FBXO9: variants seen among roughly 807,000 people sequenced by gnomAD.
FBXO9 encodes the protein F-box protein 9, also known as F-box only protein 9.
In FBXO9, 43 loss-of-function variants were observed where a neutral mutation model predicts 63.7. The ratio of observed to expected loss-of-function variants is 0.67; its 90% CI spans 0.53 to 0.87. FBXO9 has a LOEUF of 0.87. FBXO9 is among the 40% of genes least tolerant of loss of function. The pLI is 0.00. For synonymous variants in FBXO9, 156 were observed against 171.7 expected, an observed-to-expected ratio of 0.91 and a Z score of 0.72; for missense variants, 442 against 533.2, an observed-to-expected ratio of 0.83 and a Z score of 1.68.
chr6:53,076,433 C>A, intron 3 of FBXO9, 53 bp from the exon 4 acceptor site: 1 of 1,107,096 alleles, frequency 9.0e-7, no homozygotes, highest in Non-Finnish European at 1.3e-6. Flanking sequence ...TTCTGCCATC[C>A]ATACTAATTT....
Position 53,096,224 on chromosome 6 carries a change from A to AG in FBXO9, c.1205+564dup, listed in dbSNP as rs545153047. Among the ~76,000 whole-genome samples the AG allele has an allele frequency of 5.3e-3, 810 of 152,334 alleles. 6 individuals are homozygous for AG. The highest frequency in any genetic ancestry group is 6.8e-3 in the Middle Eastern group (2 of 294). On this transcript the variant is annotated intron_variant, in intron 12 of 12. Transcript: ENST00000323557. ...GTACATCATAATCAGTGAACTGAAG[A>AG]GGGGAGGTATGAGAAAGGAGCCATA...
intron 7 of FBXO9, among the ~76,000 whole-genome samples, chr6:53,087,067 T>G (rs1370609186): frequency 6.6e-6 from 1 of 151,826 alleles, no homozygotes; most frequent in African/African-American, 2.4e-5. Flanking sequence ...CAAACACAGG[T>G]GCAGTGCCTC....
intron 11 of FBXO9, chr6:53,094,675 T>C (rs1277252706): frequency 3.1e-6 from 1 of 322,300 alleles, no homozygotes; most frequent in Non-Finnish European, 6.3e-6. Context: ...CCCCCTTCTC[T>C]AACATCATAT....
rs55671320 is a variant in FBXO9, at chr6:53,068,654, G to GTTT, written c.4-2389_4-2387dup. ...TCTTACGGAATATATATATATATGT[G>GTTT]TTTTTTTTTTTTTTTTGAGACAGGG... On this transcript the variant is annotated intron_variant, in intron 1 of 12. Coordinates refer to ENST00000323557, the MANE Select transcript of FBXO9 (RefSeq NM_033480.3). 1.2e-3 allele frequency among the ~76,000 whole-genome samples: 153 copies of GTTT among 132,164 alleles called. 5 individuals are homozygous for GTTT. The highest frequency in any genetic ancestry group is 6.6e-3 in the East Asian group (30 of 4,568). 86.7% of individuals were successfully genotyped at this position (132,164 alleles called of 152,430 possible).
At chr6:53,095,138 C>G (rs1763171120) in intron 11 of FBXO9, among the ~76,000 whole-genome samples, 1 of 152,136 alleles carries the variant, frequency 6.6e-6, no homozygotes, top group Admixed American at 6.5e-5. Flanking sequence ...CAAGTGTTTT[C>G]CAGTAGAAGG....
chr6:53,083,035 G>A (rs1322410223), intron 7 of FBXO9, among the ~76,000 whole-genome samples: 39 of 152,132 alleles, frequency 2.6e-4, no homozygotes, highest in Admixed American at 2.6e-3. Context: ...ATTTTGCTAT[G>A]TGTGGGAAAG....
Position 53,076,470 on chromosome 6 carries a change from C to A in FBXO9, c.250-16C>A. 6.6e-7 allele frequency: 1 copy of A among 1,513,108 alleles called. No individual in the cohort carries two copies. The highest frequency in any genetic ancestry group is 2.5e-5 in the Admixed American group (1 of 40,438). The allele number at this position is 1,513,108 out of a possible 1,614,324, so 93.7% of individuals were successfully genotyped here. A position where few individuals can be genotyped will look rare whatever the true frequency, so the allele number is the denominator to read the frequency against. On this transcript the variant is annotated splice_polypyrimidine_tract_variant and intron_variant, in intron 3 of 12. Transcript: ENST00000323557. ...TAATGCAGGTTTTCAAAAATTTTTA[C>A]TTTATATTTTTATAGGCTCGAGAAC...
intron 12 of FBXO9, 131 bp downstream of exon 12, chr6:53,095,795 C>A (rs1562076239): frequency 2.5e-6 from 2 of 788,632 alleles, no homozygotes; most frequent in Non-Finnish European, 3.7e-6. Flanking sequence ...AGTACTACTA[C>A]AAACTACTAC....
At position 53,092,736 on chromosome 6, in the gene FBXO9, G is replaced by A. The variant is rs758378594; in HGVS notation, c.775G>A (p.Val259Met). 1.2e-5 allele frequency: 20 copies of A among 1,603,448 alleles called. No individual in the cohort carries two copies. The highest frequency in any genetic ancestry group is 3.4e-5 in the Admixed American group (2 of 59,432). Residue 259 changes from valine (V) to methionine (M), a missense_variant and splice_region_variant, in exon 9 of 13, where the codon GTG becomes ATG. Val to Met is a conservative substitution (Grantham distance 21). This residue lies in a region of FBXO9 where 262 missense variants were observed against 362.1 expected (regional missense o/e 0.72). Coordinates refer to ENST00000323557, the MANE Select transcript of FBXO9 (RefSeq NM_033480.3). ...LERPRVRFDG[V>M]YISKTTYIRQ... is the part of the protein sequence containing the mutation. The stretch of plus-strand genomic sequence containing the variant: ...ACTTTTTAAAATTATTTTCATAGGC[G>A]TGTATATCAGTAAAACCACATATAT...
At chr6:53,071,723 A>T (rs1325144090) in intron 2 of FBXO9, among the ~76,000 whole-genome samples, 1 of 152,254 alleles carries the variant, frequency 6.6e-6, no homozygotes, top group Non-Finnish European at 1.5e-5. Flanking sequence ...GTACATGAAA[A>T]TGTAAATTGG....
rs543094199 is a variant in FBXO9, at chr6:53,071,012, T to C, written c.4-45T>C. ...AGAAATGTAGATTGCAGAGGGCAAC[T>C]GGTGTGTTTATATGCCTGACATTAT... is the stretch of plus-strand genomic sequence containing the variant. On this transcript the variant is annotated intron_variant, in intron 1 of 12. Coordinates refer to ENST00000323557, the MANE Select transcript of FBXO9 (RefSeq NM_033480.3). 5 of 1,553,372 alleles carry C rather than the reference T, an allele frequency of 3.2e-6. No homozygotes were observed. In the South Asian group the frequency reaches 4.8e-5, roughly 15 times the overall value.
At chr6:53,069,248 C>CA (rs899722300) in intron 1 of FBXO9, among the ~76,000 whole-genome samples, 4 of 151,872 alleles carry the variant, frequency 2.6e-5, no homozygotes, top group African/African-American at 9.7e-5. Flanking sequence ...TCTACAGTAT[C>CA]AAAAAAAATT....
rs551862157 is a variant in FBXO9, at chr6:53,093,705, T to A, written c.959+144T>A. ...CAGGGTCTTAGGAAAAATACCAATT[T>A]CTGGGCTTTTCCTTAGAAAATCTAC... On this transcript the variant is annotated intron_variant, in intron 10 of 12. Transcript: ENST00000323557. The A allele has an allele frequency of 5.8e-6, 5 of 858,834 alleles. No homozygotes were observed. In the South Asian group the frequency reaches 9.3e-5, roughly 16 times the overall value. 53.2% of individuals were successfully genotyped at this position (858,834 alleles called of 1,614,324 possible).
rs1763255808 is a variant in FBXO9 at position 53,097,905 on chromosome 6, TG to T, written c.*76del. On this transcript the variant is annotated 3_prime_UTR_variant, in exon 13 of 13. Transcript: ENST00000323557. ...CGCAAAAGAGCACCTAAGTTATAAA[TG>T]TGTGTGTGTGCGTGTGTGTGTATAT... is the stretch of plus-strand genomic sequence containing the variant. 1 of 160,874 alleles carries T rather than the reference TG, an allele frequency of 6.2e-6. No individual in the cohort carries two copies. The highest frequency in any genetic ancestry group is 1.1e-4 in the Admixed American group (1 of 9,262). 10.0% of individuals were successfully genotyped at this position (160,874 alleles called of 1,614,324 possible).
chr6:53,092,566 A>T lies in FBXO9; in HGVS notation c.772+19A>T. On this transcript the variant is annotated intron_variant, in intron 8 of 12. Coordinates refer to ENST00000323557, the MANE Select transcript of FBXO9 (RefSeq NM_033480.3). ...TTTGATGGTAAGTTGGATTCTGTAG[A>T]ACTCAGCAGAAATACTGATCTATAA... 2 of 1,589,274 alleles carry T rather than the reference A, an allele frequency of 1.3e-6. No individual in the cohort carries two copies. The highest frequency in any genetic ancestry group is 1.7e-6 in the Non-Finnish European group (2 of 1,158,014).
At chr6:53,066,346 G>A (rs1768698330) in intron 1 of FBXO9, among the ~76,000 whole-genome samples, 1 of 152,322 alleles carries the variant, frequency 6.6e-6, no homozygotes, top group East Asian at 1.9e-4. Flanking sequence ...GCGGAGTGGG[G>A]TTGGAGGGTT....
rs761159029 is a variant in FBXO9 at position 53,075,734 on chromosome 6, A to ATTTTTTTTTTTTTTTT, written c.250-750_250-749insTTTTTTTTTTTTTTTT. On this transcript the variant is annotated intron_variant, in intron 3 of 12. Transcript: ENST00000323557. ...TAATTGGATTACATATATATATATAATTATTTTTTTTTTTTTTTTTTTTTT... is the reference window on the plus strand; with the variant it reads ...TAATTGGATTACATATATATATATAATTTTTTTTTTTTTTTTTTATTTTTTTTTTTTTTTTTTTTTT... Among the ~76,000 whole-genome samples the ATTTTTTTTTTTTTTTT allele has an allele frequency of 1.1e-4, 9 of 82,174 alleles. 1 individual carries two copies. The highest frequency in any genetic ancestry group is 4.1e-4 in the East Asian group (1 of 2,466). 53.9% of individuals were successfully genotyped at this position (82,174 alleles called of 152,430 possible).
rs1763305787 is a variant in FBXO9, at chr6:53,099,896, A to G, written c.*2066A>G. Reference sequence around the variant, plus strand: ...ATATACAAATAAATAGAACATGATTAGGACATAGTCAAATATAGCTAGAAA... The same window carrying G: ...ATATACAAATAAATAGAACATGATTGGGACATAGTCAAATATAGCTAGAAA... On this transcript the variant is annotated 3_prime_UTR_variant, in exon 13 of 13. Coordinates refer to ENST00000323557, the MANE Select transcript of FBXO9 (RefSeq NM_033480.3). 1.3e-5 allele frequency: 2 copies of G among 152,242 alleles called. No homozygotes were observed. The highest frequency in any genetic ancestry group is 1.3e-4 in the Admixed American group (2 of 15,284). 9.4% of individuals were successfully genotyped at this position (152,242 alleles called of 1,614,324 possible).
chr6:53,078,920 T>C (rs1581815452), intron 5 of FBXO9, 22 bp downstream of exon 5: 1 of 1,540,678 alleles, frequency 6.5e-7, no homozygotes, highest in African/African-American at 1.4e-5. Context: ...ATTTGATAGA[T>C]AGTAATGCAT....
Sources: gnomAD v4.1 joint callset for allele counts (sites outside exome capture counted in the v4.1 genomes callset) on GRCh38, gnomAD v4.1.1 for gene constraint, gnomAD v4.1.1 regional missense constraint, MANE v1.5 for transcripts, NCBI Gene and HGNC (gene_info 2026-07-23, HGNC 2026-07-21) for gene names.